The following ANKRD12 variants were observed in gnomAD, a reference collection of about 807,000 sequenced individuals.
The protein encoded by ANKRD12 is ankyrin repeat domain-containing protein 12.
A neutral mutation model predicts 183.4 loss-of-function variants in ANKRD12; 85 were observed. The observed-to-expected ratio is 0.46, with a 90% confidence interval of 0.39 to 0.56. The LOEUF is 0.56. ANKRD12 is among the 20% of genes least tolerant of loss of function. The probability of loss-of-function intolerance (pLI) is 0.00; values close to 1 mark genes in which losing one functional copy is unlikely to be tolerated. For missense variants in ANKRD12, 2,405 were observed against 2,357.1 expected, an observed-to-expected ratio of 1.02 and a Z score of -0.42; for synonymous variants, 914 against 800.2, an observed-to-expected ratio of 1.14 and a Z score of -2.40.
chr18:9,185,205 G>C (rs1012228960), intron 2 of ANKRD12, among the ~76,000 whole-genome samples: 1 of 152,212 alleles, frequency 6.6e-6, no homozygotes, highest in African/African-American at 2.4e-5. Flanking sequence ...GTTCATTATA[G>C]CCTTGTGTGC....
chr18:9,242,761 A>G (rs964600188), intron 8 of ANKRD12, among the ~76,000 whole-genome samples: 1 of 152,150 alleles, frequency 6.6e-6, no homozygotes, highest in Non-Finnish European at 1.5e-5. Flanking sequence ...TTTATTTTGT[A>G]TGTAGATTTT....
intron 1 of ANKRD12, among the ~76,000 whole-genome samples, chr18:9,179,493 A>G (rs932136694): frequency 1.3e-5 from 2 of 152,112 alleles, no homozygotes; most frequent in Non-Finnish European, 2.9e-5. Context: ...GGTTTGAATT[A>G]ATACACTAAA....
chr18:9,262,030 G>C (rs539661960), intron 9 of ANKRD12, among the ~76,000 whole-genome samples: 1 of 152,372 alleles, frequency 6.6e-6, no homozygotes, highest in East Asian at 1.9e-4. Context: ...TTAGAGGCCT[G>C]AGAAATGGTC....
At chr18:9,217,806 G>A (rs936739131) in intron 7 of ANKRD12, among the ~76,000 whole-genome samples, 10 of 152,044 alleles carry the variant, frequency 6.6e-5, no homozygotes, top group Admixed American at 5.9e-4. Context: ...CATGCATACT[G>A]GCATTTTATG....
intron 1 of ANKRD12, among the ~76,000 whole-genome samples, chr18:9,150,293 C>G (rs2078643791): frequency 6.6e-6 from 1 of 152,114 alleles, no homozygotes; most frequent in African/African-American, 2.4e-5. Flanking sequence ...GTTTCGTCTA[C>G]CACTGTCTGA....
chr18:9,157,579 G>GTATATATATATATATATA (rs1337373504), intron 1 of ANKRD12, among the ~76,000 whole-genome samples: 21 of 114,204 alleles, frequency 1.8e-4, no homozygotes, highest in East Asian at 2.2e-4. Context: ...GTGTGTGTGT[G>GTATATATATATATATATA]TGTGTGTATA....
intron 1 of ANKRD12, among the ~76,000 whole-genome samples, chr18:9,181,041 TTTAAA>T (rs2033663091): frequency 6.6e-6 from 1 of 152,206 alleles, no homozygotes; most frequent in South Asian, 2.1e-4. Flanking sequence ...CAGTGCTATG[TTTAAA>T]TTATTGTTTA....
intron 7 of ANKRD12, 65 bp from the exon 8 acceptor site, chr18:9,221,785 CAA>C: frequency 6.6e-7 from 1 of 1,516,486 alleles, no homozygotes; most frequent in South Asian, 1.2e-5. Context: ...TGAGTATTAT[CAA>C]GAGAATGGGT....
rs1299946775 is a variant in ANKRD12, at chr18:9,256,055, T to C, written c.2788T>C (p.Leu930=). 1.3e-6 allele frequency: 2 copies of C among 1,557,796 alleles called. No individual in the cohort carries two copies. Among genetic ancestry groups the C allele is most frequent in the African/African-American group, 1.4e-5 (1 of 71,490 alleles). Residue 930 remains leucine (L), a synonymous_variant, in exon 9 of 13, where the codon TTG becomes CTG. Coordinates refer to ENST00000262126, the MANE Select transcript of ANKRD12 (RefSeq NM_015208.5). ...TCTAGCAGAAAGCAAAGAAAAGCAC[T>C]TGATGGAGAAAAAAAATAAACAATC... ...RHLAESKEKH[L]MEKKNKQSDN... is the part of the protein sequence containing the mutation.
chr18:9,241,021 ATAGT>A (rs1395971110), intron 8 of ANKRD12, among the ~76,000 whole-genome samples: 1 of 152,182 alleles, frequency 6.6e-6, no homozygotes, highest in African/African-American at 2.4e-5. Flanking sequence ...TGGAGTTCTA[ATAGT>A]TAATAAGAGA....
intron 10 of ANKRD12, 25 bp downstream of exon 10, chr18:9,263,913 T>TA: frequency 7.4e-7 from 1 of 1,349,916 alleles, no homozygotes. Flanking sequence ...AATTTACACT[T>TA]ATGCTAAAAA....
At chr18:9,139,592 G>A (rs146032672) in intron 1 of ANKRD12, among the ~76,000 whole-genome samples, 1 of 152,280 alleles carries the variant, frequency 6.6e-6, no homozygotes, top group East Asian at 1.9e-4. Flanking sequence ...GTTCATAAGA[G>A]GTTTCTACTG....
intron 3 of ANKRD12, among the ~76,000 whole-genome samples, chr18:9,199,735 A>T (rs1014758498): frequency 4.6e-5 from 7 of 151,886 alleles, no homozygotes; most frequent in Non-Finnish European, 1.0e-4. Flanking sequence ...AGTTTTTTTT[A>T]ATGTTGGATT....
rs1372309908 is a variant in ANKRD12 at position 9,212,277 on chromosome 18, A to G, written c.652+493A>G. On this transcript the variant is annotated intron_variant, in intron 6 of 12. Transcript: ENST00000262126. ...TTTCTTTAATTTCACATACTGCACA[A>G]CCCTACCCTCCCTCCCACACAGGTT... is the stretch of plus-strand genomic sequence containing the variant. 3.9e-5 allele frequency among the ~76,000 whole-genome samples: 6 copies of G among 152,054 alleles called. No homozygotes were observed. The East Asian group carries it at 5.8e-4, about 15-fold the overall frequency.
At chr18:9,274,549 G>C (rs1163564352) in intron 10 of ANKRD12, among the ~76,000 whole-genome samples, 2 of 152,180 alleles carry the variant, frequency 1.3e-5, no homozygotes, top group South Asian at 2.1e-4. Flanking sequence ...ATAGAGGAAG[G>C]GGGTGGAGGG....
At chr18:9,159,294 TAAAC>T (rs1298723814) in intron 1 of ANKRD12, among the ~76,000 whole-genome samples, 1 of 152,178 alleles carries the variant, frequency 6.6e-6, no homozygotes, top group East Asian at 1.9e-4. Context: ...TGTATTAAAG[TAAAC>T]AAGAGTTTAT....
chr18:9,257,430 T>C lies in ANKRD12; in HGVS notation c.4163T>C (p.Leu1388Pro), dbSNP rs770423633. The change falls in exon 9 of 13, where the codon CTC becomes CCC. Residue 1388 changes from leucine to proline, a missense_variant. Leu to Pro is a moderately conservative substitution (Grantham distance 98). Transcript: ENST00000262126. The stretch of plus-strand genomic sequence containing the variant: ...AAGTATGTTTCAGCTGATAGAAATC[T>C]CATCAAGAATACTGCCCCAGTGAAC... The part of the protein sequence containing the change: ...NSKYVSADRN[L>P]IKNTAPVNTV... 5.0e-6 allele frequency: 8 copies of C among 1,614,096 alleles called. No individual in the cohort carries two copies. Among genetic ancestry groups the C allele is most frequent in the South Asian group, 3.3e-5 (3 of 91,082 alleles).
At chr18:9,215,026 C>T (rs2036015680) in intron 6 of ANKRD12, among the ~76,000 whole-genome samples, 1 of 151,984 alleles carries the variant, frequency 6.6e-6, no homozygotes, top group African/African-American at 2.4e-5. Context: ...AACAAGGTTT[C>T]GTTTAAAAAA....
intron 1 of ANKRD12, among the ~76,000 whole-genome samples, chr18:9,149,042 C>T (rs537957765): frequency 2.6e-4 from 40 of 152,286 alleles, no homozygotes; most frequent in African/African-American, 7.2e-4. Context: ...TATCTACCTG[C>T]CTCAGAGTCA....
Sources: gnomAD v4.1 joint callset for allele counts (sites outside exome capture counted in the v4.1 genomes callset) on GRCh38, gnomAD v4.1.1 for gene constraint, MANE v1.5 for transcripts, NCBI Gene and HGNC (gene_info 2026-07-23, HGNC 2026-07-21) for gene names.